Variants in PRKAR2A observed in about 807,000 individuals in gnomAD.
PRKAR2A encodes the protein cAMP-dependent protein kinase type II-alpha regulatory subunit.
A neutral mutation model predicts 51.9 loss-of-function variants in PRKAR2A; 29 were observed. That is an observed-to-expected ratio of 0.56 (90% confidence interval 0.42 to 0.76). PRKAR2A has a LOEUF of 0.76. PRKAR2A is among the 30% of genes least tolerant of loss of function. The pLI, the probability that PRKAR2A is intolerant of heterozygous loss-of-function variation, is 0.00. For synonymous variants in PRKAR2A, 178 were observed against 186.2 expected, an observed-to-expected ratio of 0.96 and a Z score of 0.36; for missense variants, 445 against 512.1, an observed-to-expected ratio of 0.87 and a Z score of 1.26.
chr3:48,824,883 T>C (rs2083034027), intron 1 of PRKAR2A, among the ~76,000 whole-genome samples: 1 of 150,988 alleles, frequency 6.6e-6, no homozygotes, highest in African/African-American at 2.4e-5. Context: ...GAGGCGGAGG[T>C]TGCAGTGAGC....
chr3:48,835,323 G>A (rs559941413), intron 1 of PRKAR2A, among the ~76,000 whole-genome samples: 5 of 151,696 alleles, frequency 3.3e-5, no homozygotes, highest in East Asian at 2.0e-4. Flanking sequence ...CCAACATGGC[G>A]AAACCCTATC....
Position 48,766,422 on chromosome 3 carries a change from G to A in PRKAR2A, c.697-1073C>T, listed in dbSNP as rs1490586123. Among the ~76,000 whole-genome samples, 4 of 151,968 alleles carry A rather than the reference G, an allele frequency of 2.6e-5. No homozygotes were observed. The South Asian group carries it at 6.2e-4, about 24-fold the overall frequency. ...ATCTCTACAGAAAATACAAAAATTAGCTGGGCATGGTGGCGTTTGTCTAGT... is the reference window on the plus strand; with the variant it reads ...ATCTCTACAGAAAATACAAAAATTAACTGGGCATGGTGGCGTTTGTCTAGT... On this transcript the variant is annotated intron_variant, in intron 6 of 10. Coordinates refer to ENST00000265563, the MANE Select transcript of PRKAR2A (RefSeq NM_004157.4).
At chr3:48,837,947 G>A (rs1189247232) in intron 1 of PRKAR2A, among the ~76,000 whole-genome samples, 3 of 152,174 alleles carry the variant, frequency 2.0e-5, no homozygotes, top group Non-Finnish European at 2.9e-5. Flanking sequence ...GGGAGGCTGA[G>A]GCAGGCGGAT....
At chr3:48,841,543 CAAAAAAAAAAAA>C (rs397874491) in intron 1 of PRKAR2A, among the ~76,000 whole-genome samples, 2 of 59,538 alleles carry the variant, frequency 3.4e-5, no homozygotes, top group Admixed American at 2.3e-4. Context: ...GACTCTGTCT[CAAAAAAAAAAAA>C]AAAAAAAAAA....
intron 1 of PRKAR2A, among the ~76,000 whole-genome samples, chr3:48,820,249 T>A (rs547704663): frequency 6.6e-6 from 1 of 152,272 alleles, no homozygotes; most frequent in Non-Finnish European, 1.5e-5. Context: ...TACATGCATT[T>A]TGGAAAGATT....
intron 1 of PRKAR2A, among the ~76,000 whole-genome samples, chr3:48,834,377 TAACA>T (rs1032230842): frequency 6.6e-5 from 10 of 151,796 alleles, no homozygotes; most frequent in African/African-American, 1.9e-4. Context: ...AAAAAAACAA[TAACA>T]AACAAAAAAG....
chr3:48,813,232 CAAAAAAAAAAA>C (rs35033928), intron 1 of PRKAR2A, among the ~76,000 whole-genome samples: 17 of 80,492 alleles, frequency 2.1e-4, no homozygotes, highest in African/African-American at 7.5e-4. Context: ...CTATCTCTAC[CAAAAAAAAAAA>C]AAAAAAAAAA....
intron 2 of PRKAR2A, among the ~76,000 whole-genome samples, chr3:48,794,646 G>A (rs912724336): frequency 6.6e-6 from 1 of 151,870 alleles, no homozygotes; most frequent in African/African-American, 2.4e-5. Flanking sequence ...AGTGAGCCGA[G>A]ATCATGCCAC....
At chr3:48,825,028 C>CTTTTTTTTTTTTTTTTTTT (rs1168503342) in intron 1 of PRKAR2A, among the ~76,000 whole-genome samples, 1 of 74,690 alleles carries the variant, frequency 1.3e-5, no homozygotes, top group Non-Finnish European at 2.4e-5. Flanking sequence ...ATTTTCTTTT[C>CTTTTTTTTTTTTTTTTTTT]TTTTTTTTTT....
rs547237412 is a variant in PRKAR2A at position 48,756,577 on chromosome 3, A to G, written c.874-133T>C. The G allele has an allele frequency of 7.9e-4, 525 of 662,760 alleles. 3 individuals carry two copies. In the African/African-American group the frequency reaches 8.2e-3, roughly 10 times the overall value. The allele number at this position is 662,760 out of a possible 1,614,324, so 41.1% of individuals were successfully genotyped here. On this transcript the variant is annotated intron_variant, in intron 8 of 10. Transcript: ENST00000265563. ...CTCTGCAAATGAATCAATAGTAAAC[A>G]AATTCAGAGCAGGCAATGAGACCTT... is the stretch of plus-strand genomic sequence containing the variant.
chr3:48,755,780 CTT>C (rs1160883747), intron 9 of PRKAR2A, among the ~76,000 whole-genome samples: 84 of 133,382 alleles, frequency 6.3e-4, no homozygotes, highest in Non-Finnish European at 6.4e-4. Flanking sequence ...CCCCCATTTC[CTT>C]TTTTTTTTTT....
rs2083492793 is a variant in PRKAR2A at position 48,847,685 on chromosome 3, G to C, written c.-89C>G. On this transcript the variant is annotated 5_prime_UTR_variant, in exon 1 of 11. Transcript: ENST00000265563. This position sits in a 1 kb window ranked among gnomAD's most constrained non-coding sequence, Gnocchi z 4.4. ...CACGCCGGCCTTTCGCTCCGCGCCC[G>C]CGAGGTCTCTTCGCGCACGGCCCCG... 3 of 1,287,452 alleles carry C rather than the reference G, an allele frequency of 2.3e-6. No homozygotes were observed. The highest frequency in any genetic ancestry group is 3.0e-6 in the Non-Finnish European group (3 of 992,534). The allele number at this position is 1,287,452 out of a possible 1,614,324, so 79.8% of individuals were successfully genotyped here.
chr3:48,783,464 T>C (rs1409301453), intron 4 of PRKAR2A, among the ~76,000 whole-genome samples: 1 of 152,246 alleles, frequency 6.6e-6, no homozygotes, highest in Non-Finnish European at 1.5e-5. Flanking sequence ...GCTGTTGACC[T>C]TAACAGGAGC....
At chr3:48,799,377 T>C (rs538021011) in intron 2 of PRKAR2A, among the ~76,000 whole-genome samples, 4 of 152,220 alleles carry the variant, frequency 2.6e-5, no homozygotes, top group African/African-American at 4.8e-5. Context: ...TTCTACCCTA[T>C]GACCTCATTT....
chr3:48,814,509 T>C (rs2082841193), intron 1 of PRKAR2A, among the ~76,000 whole-genome samples: 1 of 152,208 alleles, frequency 6.6e-6, no homozygotes, highest in African/African-American at 2.4e-5. Context: ...TTAACAATCC[T>C]TTCTATCCAC....
chr3:48,844,298 C>T (rs1432342268), intron 1 of PRKAR2A, among the ~76,000 whole-genome samples: 2 of 151,834 alleles, frequency 1.3e-5, no homozygotes, highest in Admixed American at 1.3e-4. Context: ...TACCATCTCA[C>T]ACCAGTTAGA....
chr3:48,844,637 C>A (rs1322606083), intron 1 of PRKAR2A, among the ~76,000 whole-genome samples: 1 of 148,098 alleles, frequency 6.8e-6, no homozygotes, highest in Non-Finnish European at 1.5e-5. Flanking sequence ...CACATATACA[C>A]CATGGAATAC....
chr3:48,847,561 C>T lies in PRKAR2A; in HGVS notation c.36G>A (p.Glu12=). The part of the protein sequence containing the change: ...SHIQIPPGLT[E]LLQGYTVEVL... ...CCTCCACCGTGTAGCCCTGCAGCAG[C>T]TCCGTGAGCCCCGGCGGGATCTGGA... Residue 12 remains glutamate (E), a synonymous_variant, in exon 1 of 11, where the codon GAG becomes GAA. Coordinates refer to ENST00000265563, the MANE Select transcript of PRKAR2A (RefSeq NM_004157.4). The surrounding 1 kb of genome is among the most constrained non-coding windows in gnomAD (Gnocchi z 4.4). 1 of 1,555,204 alleles carries T rather than the reference C, an allele frequency of 6.4e-7. No individual in the cohort carries two copies. The highest frequency in any genetic ancestry group is 1.9e-5 in the Admixed American group (1 of 51,746).
At chr3:48,827,799 T>C (rs1217922287) in intron 1 of PRKAR2A, among the ~76,000 whole-genome samples, 1 of 152,286 alleles carries the variant, frequency 6.6e-6, no homozygotes, top group Middle Eastern at 3.4e-3. Context: ...ACACAATCTA[T>C]AAAAAATACG....
Sources: allele counts gnomAD v4.1 joint callset (sites outside exome capture counted in the v4.1 genomes callset), GRCh38; gene constraint gnomAD v4.1.1; non-coding constraint Gnocchi (gnomAD v3.1); transcripts MANE v1.5; gene names NCBI Gene and HGNC (gene_info 2026-07-23, HGNC 2026-07-21).